Variants in N4BP2 observed in about 807,000 individuals in gnomAD.
The protein encoded by N4BP2 is NEDD4 binding protein 2, also known as NEDD4-binding protein 2.
A neutral mutation model predicts 152.8 loss-of-function variants in N4BP2; 91 were observed. That is an observed-to-expected ratio of 0.60 (90% CI 0.50 to 0.71). The LOEUF (loss-of-function observed/expected upper bound fraction) is 0.71. Ranked by LOEUF, N4BP2 falls within the 30% of genes least tolerant of loss-of-function variation. The probability of loss-of-function intolerance (pLI) is 0.00; values close to 1 mark genes in which losing one functional copy is unlikely to be tolerated. For synonymous variants in N4BP2, 646 were observed against 705.3 expected (o/e 0.92, Z 1.33); for missense variants, 1,923 against 2,059.1 (o/e 0.93, Z 1.28).
chr4:40,172,907 T>C, the N4BP2 span, among the ~76,000 whole-genome samples: 1 of 152,334 alleles, frequency 6.6e-6, no homozygotes, highest in East Asian at 1.9e-4. Flanking sequence ...AACAAAGGAA[T>C]GGTTACATTG....
At chr4:40,099,048 TTTTC>T (rs1411210102) in intron 3 of N4BP2, among the ~76,000 whole-genome samples, 7 of 152,210 alleles carry the variant, frequency 4.6e-5, no homozygotes, top group African/African-American at 1.7e-4. Context: ...AAAAATATTT[TTTTC>T]TTTCTTTTGG....
intron 10 of N4BP2, 149 bp downstream of exon 10, chr4:40,123,361 A>C (rs1433713677): frequency 1.9e-6 from 1 of 537,508 alleles, no homozygotes; most frequent in African/African-American, 1.9e-5. Context: ...TTTGAGAGAG[A>C]ATGAACTTGT....
At chr4:40,185,678 A>T in the N4BP2 span, among the ~76,000 whole-genome samples, 1 of 152,220 alleles carries the variant, frequency 6.6e-6, no homozygotes, top group South Asian at 2.1e-4. Context: ...AAAGCAAAAA[A>T]CATTTGTTTA....
intron 1 of N4BP2, among the ~76,000 whole-genome samples, chr4:40,062,666 TAA>T (rs1733758755): frequency 2.0e-5 from 3 of 152,078 alleles, no homozygotes; most frequent in Admixed American, 2.0e-4. Context: ...CTAGCCCTAT[TAA>T]GTTCCTTGTA....
At chr4:40,116,118 C>T (rs1210439575) in intron 7 of N4BP2, among the ~76,000 whole-genome samples, 1 of 152,064 alleles carries the variant, frequency 6.6e-6, no homozygotes, top group East Asian at 1.9e-4. Flanking sequence ...CCTACATCAG[C>T]TTCCTTTTAG....
chr4:40,112,840 T>A (rs1354948744), intron 6 of N4BP2, among the ~76,000 whole-genome samples: 1 of 151,986 alleles, frequency 6.6e-6, no homozygotes, highest in East Asian at 1.9e-4. Context: ...GAAACTGGGA[T>A]TACAGGTGCC....
the N4BP2 span, among the ~76,000 whole-genome samples, chr4:40,170,276 A>G: frequency 6.6e-6 from 1 of 152,196 alleles, no homozygotes; most frequent in Non-Finnish European, 1.5e-5. Flanking sequence ...AATATATTTA[A>G]AGATTACAAA....
chr4:40,110,055 A>T (rs1716721642), intron 5 of N4BP2, among the ~76,000 whole-genome samples: 1 of 152,208 alleles, frequency 6.6e-6, no homozygotes, highest in Admixed American at 6.5e-5. Flanking sequence ...TAATTTGCCT[A>T]TTCCAGACAT....
chr4:40,075,943 C>T (rs1467911637), intron 2 of N4BP2, among the ~76,000 whole-genome samples: 4 of 152,192 alleles, frequency 2.6e-5, no homozygotes, highest in African/African-American at 9.6e-5. Context: ...CCTCCTACCT[C>T]AGTCTCCTGA....
At chr4:40,104,534 A>G (rs794000) in intron 4 of N4BP2, among the ~76,000 whole-genome samples, 144,111 of 152,056 alleles carry the variant, frequency 0.95, 68,369 homozygotes, top group East Asian at 1. Context: ...TGACTTAATA[A>G]CAACAACAAC....
chr4:40,173,920 G>A, the N4BP2 span, among the ~76,000 whole-genome samples: 17 of 151,732 alleles, frequency 1.1e-4, no homozygotes, highest in African/African-American at 3.4e-4. Context: ...TAGAAAGTAC[G>A]GATTTGAAGT....
At chr4:40,188,600 T>G in the N4BP2 span, among the ~76,000 whole-genome samples, 3 of 151,720 alleles carry the variant, frequency 2.0e-5, no homozygotes, top group Admixed American at 1.3e-4. Context: ...AAAAATTAGC[T>G]GGGCGGGGTG....
chr4:40,087,214 G>GC (rs912123902), intron 2 of N4BP2, among the ~76,000 whole-genome samples: 28 of 151,560 alleles, frequency 1.8e-4, no homozygotes, highest in African/African-American at 6.8e-4. Flanking sequence ...CTTCCTCCTT[G>GC]CCCCTTTCTT....
intron 9 of N4BP2, among the ~76,000 whole-genome samples, chr4:40,122,842 G>A (rs1369711436): frequency 2.6e-5 from 4 of 152,148 alleles, no homozygotes; most frequent in Non-Finnish European, 4.4e-5. Context: ...TTATTGAAAA[G>A]TCTTGACTAA....
chr4:40,119,566 T>G (rs1021197757), intron 8 of N4BP2, among the ~76,000 whole-genome samples: 2 of 152,146 alleles, frequency 1.3e-5, no homozygotes, highest in Non-Finnish European at 2.9e-5. Flanking sequence ...CTTAGCTATG[T>G]AAAACTAAGG....
At position 40,101,899 on chromosome 4, in the gene N4BP2, A is replaced by G. The variant is rs138551543; in HGVS notation, c.230-176A>G. Among the ~76,000 whole-genome samples, 7 of 152,306 alleles carry G rather than the reference A, an allele frequency of 4.6e-5. No individual in the cohort carries two copies. In the East Asian group the frequency reaches 1.4e-3, roughly 29 times the overall value. ...TCCATCATTCAGACTTTTTGCTACT[A>G]CAGACTTTGGTATGTTAATAAAATA... On this transcript the variant is annotated intron_variant, in intron 3 of 17. Coordinates refer to ENST00000261435, the MANE Select transcript of N4BP2 (RefSeq NM_018177.6).
At chr4:40,086,673 A>G (rs1180569929) in intron 2 of N4BP2, among the ~76,000 whole-genome samples, 1 of 151,928 alleles carries the variant, frequency 6.6e-6, no homozygotes, top group African/African-American at 2.4e-5. Flanking sequence ...TAAGAAAAAG[A>G]CTTATGGAGA....
intron 2 of N4BP2, among the ~76,000 whole-genome samples, chr4:40,094,525 A>G (rs1180615153): frequency 6.6e-6 from 1 of 152,014 alleles, no homozygotes; most frequent in African/African-American, 2.4e-5. Flanking sequence ...GTGCATATAC[A>G]TTTAGGGTTG....
chr4:40,154,400 A>G lies in N4BP2; in HGVS notation c.*163A>G. The G allele has an allele frequency of 2.0e-6, 1 of 496,844 alleles. No homozygotes were observed. Among genetic ancestry groups the G allele is most frequent in the South Asian group, 3.3e-5 (1 of 30,728 alleles). The allele number at this position is 496,844 out of a possible 1,614,324, so 30.8% of individuals were successfully genotyped here. ...TTTTTCAAAATGCAAGTGAGGTTTG[A>G]TTTTTTACTGAATCAAATGCAAATG... On this transcript the variant is annotated 3_prime_UTR_variant, in exon 18 of 18. Transcript: ENST00000261435.
Sources: gnomAD v4.1 joint callset for allele counts (sites outside exome capture counted in the v4.1 genomes callset) on GRCh38, gnomAD v4.1.1 for gene constraint, MANE v1.5 for transcripts, NCBI Gene and HGNC (gene_info 2026-07-23, HGNC 2026-07-21) for gene names.